The following PPDPF variants were observed in gnomAD, a reference collection of about 807,000 sequenced individuals.
The protein encoded by PPDPF is exocrine differentiation and proliferation factor.
A neutral mutation model predicts 6.3 loss-of-function variants in PPDPF; 11 were observed. The ratio of observed to expected loss-of-function variants is 1.76; its 90% CI spans 1.11 to 2.91. The LOEUF (loss-of-function observed/expected upper bound fraction) is 2.91, where lower values mean the gene tolerates loss of function less well. Ranked by LOEUF, PPDPF falls within the 30% of genes most tolerant of loss-of-function variation. The pLI, the probability that PPDPF is intolerant of heterozygous loss-of-function variation, is 0.00. For synonymous variants in PPDPF, 86 were observed against 64.5 expected, an observed-to-expected ratio of 1.33 and a Z score of -1.60; for missense variants, 202 against 159.4, an observed-to-expected ratio of 1.27 and a Z score of -1.44.
In PPDPF at chr20:63,521,501, C is replaced by T. The variant is rs775072732; in HGVS notation, c.56-11C>T. On this transcript the variant is annotated splice_polypyrimidine_tract_variant and intron_variant, in intron 2 of 3. Coordinates refer to ENST00000370179, the MANE Select transcript of PPDPF (RefSeq NM_024299.4). ...GCGCCCCGCGTTGCTGACGGGACCT[C>T]TCCTCTCCAGGCCGCCTGGGTTCCA... 21 of 1,571,230 alleles carry T rather than the reference C, an allele frequency of 1.3e-5. No individual in the cohort carries two copies. Among genetic ancestry groups the T allele is most frequent in the African/African-American group, 4.1e-5 (3 of 73,968 alleles).
In PPDPF at chr20:63,521,969, C is replaced by A; in HGVS notation, c.*90C>A. ...CCTCTCCCCACTCCGCATCCCTCGC[C>A]CCCCTCCCCACCTCCCACCCCCCAC... On this transcript the variant is annotated 3_prime_UTR_variant, in exon 4 of 4. Transcript: ENST00000370179. 1 of 1,008,324 alleles carries A rather than the reference C, an allele frequency of 9.9e-7. No individual in the cohort carries two copies. The highest frequency in any genetic ancestry group is 1.4e-6 in the Non-Finnish European group (1 of 693,040). 62.5% of individuals were successfully genotyped at this position (1,008,324 alleles called of 1,614,324 possible).
chr20:63,520,845 C>A lies in PPDPF; in HGVS notation c.-75C>A. On this transcript the variant is annotated 5_prime_UTR_variant, in exon 1 of 4. Transcript: ENST00000370179. ...GGGCTCCGTGGCCTAGCGCCCCCGT[C>A]CCCGCCACCCGTGATCGTGCGCCGA... is the stretch of plus-strand genomic sequence containing the variant. 1 of 987,718 alleles carries A rather than the reference C, an allele frequency of 1.0e-6. No homozygotes were observed. Among genetic ancestry groups the A allele is most frequent in the East Asian group, 1.1e-4 (1 of 8,876 alleles). The allele number at this position is 987,718 out of a possible 1,614,324, so 61.2% of individuals were successfully genotyped here.
chr20:63,521,717 G>T lies in PPDPF; in HGVS notation c.183G>T (p.Gly61=). Residue 61 remains glycine, a synonymous_variant, in exon 4 of 4, where the codon GGG becomes GGT. Coordinates refer to ENST00000370179, the MANE Select transcript of PPDPF (RefSeq NM_024299.4). ...PGHWWASFFF[G]KSTLPFMATV... ...ATTGGTGGGCCAGCTTCTTTTTCGG[G>T]AAGTCCACCCTCCCGTTCATGGCCA... is the stretch of plus-strand genomic sequence containing the variant. 1 of 1,613,370 alleles carries T rather than the reference G, an allele frequency of 6.2e-7. No individual in the cohort carries two copies. The highest frequency in any genetic ancestry group is 8.5e-7 in the Non-Finnish European group (1 of 1,180,004).
rs776086297 is a variant in PPDPF at position 63,521,883 on chromosome 20, G to A, written c.*4G>A. On this transcript the variant is annotated 3_prime_UTR_variant, in exon 4 of 4. Transcript: ENST00000370179. The stretch of plus-strand genomic sequence containing the variant: ...CAGCGCTGGGCCCCCGTCCTGACCT[G>A]AGCGGTTACCACCAGCCCCAGGCCT... 7.0e-6 allele frequency: 11 copies of A among 1,574,304 alleles called. No individual in the cohort carries two copies. The Admixed American group carries it at 1.1e-4, about 16-fold the overall frequency.
At position 63,521,989 on chromosome 20, in the gene PPDPF, C is replaced by T; in HGVS notation, c.*110C>T. ...CTCGCCCCCCTCCCCACCTCCCACC[C>T]CCCACCCTGTAAACTAGGCGGCTGC... On this transcript the variant is annotated 3_prime_UTR_variant, in exon 4 of 4. Transcript: ENST00000370179. 1.2e-6 allele frequency: 1 copy of T among 809,444 alleles called. No homozygotes were observed. The highest frequency in any genetic ancestry group is 2.0e-6 in the Non-Finnish European group (1 of 505,270). The allele number at this position is 809,444 out of a possible 1,614,324, so 50.1% of individuals were successfully genotyped here.
At position 63,521,952 on chromosome 20, in the gene PPDPF, C is replaced by G; in HGVS notation, c.*73C>G. On this transcript the variant is annotated 3_prime_UTR_variant, in exon 4 of 4. Transcript: ENST00000370179. Reference sequence around the variant, plus strand: ...CAGAGCCCCTCCCCGCCCCTCTCCCCACTCCGCATCCCTCGCCCCCCTCCC... The same window carrying G: ...CAGAGCCCCTCCCCGCCCCTCTCCCGACTCCGCATCCCTCGCCCCCCTCCC... The G allele has an allele frequency of 8.4e-7, 1 of 1,196,132 alleles. No homozygotes were observed. The highest frequency in any genetic ancestry group is 1.2e-6 in the Non-Finnish European group (1 of 860,070). The allele number at this position is 1,196,132 out of a possible 1,614,324, so 74.1% of individuals were successfully genotyped here.
chr20:63,520,815 C>A lies in PPDPF; in HGVS notation c.-105C>A. 3.0e-6 allele frequency: 3 copies of A among 985,050 alleles called. No homozygotes were observed. Among genetic ancestry groups the A allele is most frequent in the Non-Finnish European group, 3.6e-6 (3 of 830,088 alleles). The allele number at this position is 985,050 out of a possible 1,614,324, so 61.0% of individuals were successfully genotyped here. A position where few individuals can be genotyped will look rare whatever the true frequency, so the allele number is the denominator to read the frequency against. ...GCGCGGCTTCCCGCGGTCTTCTCTG[C>A]AAATGGGCTCCGTGGCCTAGCGCCC... On this transcript the variant is annotated 5_prime_UTR_variant, in exon 1 of 4. Coordinates refer to ENST00000370179, the MANE Select transcript of PPDPF (RefSeq NM_024299.4).
rs1281966500 is a variant in PPDPF at position 63,521,987 on chromosome 20, C to A, written c.*108C>A. 8.7e-6 allele frequency: 7 copies of A among 806,610 alleles called. No individual in the cohort carries two copies. Among genetic ancestry groups the A allele is most frequent in the Non-Finnish European group, 1.2e-5 (6 of 505,800 alleles). 50.0% of individuals were successfully genotyped at this position (806,610 alleles called of 1,614,324 possible). A position where few individuals can be genotyped will look rare whatever the true frequency, so the allele number is the denominator to read the frequency against. On this transcript the variant is annotated 3_prime_UTR_variant, in exon 4 of 4. Transcript: ENST00000370179. ...CCCTCGCCCCCCTCCCCACCTCCCA[C>A]CCCCCACCCTGTAAACTAGGCGGCT...
At chr20:63,520,982 C>A in intron 1 of PPDPF, 88 bp downstream of exon 1, 1 of 974,582 alleles carries the variant, frequency 1.0e-6, no homozygotes, top group Non-Finnish European at 1.3e-6. Flanking sequence ...CTCTCCTCTC[C>A]GCCTGGCGAG....
In PPDPF at chr20:63,522,093, C is replaced by T. The variant is rs1412978072; in HGVS notation, c.*214C>T. On this transcript the variant is annotated 3_prime_UTR_variant, in exon 4 of 4. Coordinates refer to ENST00000370179, the MANE Select transcript of PPDPF (RefSeq NM_024299.4). ...CGCTCTCTACCGCCCGGCCCCAGCA[C>T]TCGCTAGCTTTCCTGACACCTGGAA... The T allele has an allele frequency of 1.6e-6, 1 of 608,314 alleles. No homozygotes were observed. The highest frequency in any genetic ancestry group is 3.0e-6 in the Non-Finnish European group (1 of 333,030). 37.7% of individuals were successfully genotyped at this position (608,314 alleles called of 1,614,324 possible).
Position 63,521,981 on chromosome 20 carries a change from C to T in PPDPF, c.*102C>T, listed in dbSNP as rs1277551969. On this transcript the variant is annotated 3_prime_UTR_variant, in exon 4 of 4. Transcript: ENST00000370179. ...CCGCATCCCTCGCCCCCCTCCCCACCTCCCACCCCCCACCCTGTAAACTAG... is the reference window on the plus strand; with the variant it reads ...CCGCATCCCTCGCCCCCCTCCCCACTTCCCACCCCCCACCCTGTAAACTAG... 5 of 844,108 alleles carry T rather than the reference C, an allele frequency of 5.9e-6. No homozygotes were observed. In the South Asian group the frequency reaches 8.5e-5, roughly 14 times the overall value. The allele number at this position is 844,108 out of a possible 1,614,324, so 52.3% of individuals were successfully genotyped here. A position where few individuals can be genotyped will look rare whatever the true frequency, so the allele number is the denominator to read the frequency against.
At chr20:63,521,029 T>G in intron 1 of PPDPF, 135 bp downstream of exon 1, 1 of 387,068 alleles carries the variant, frequency 2.6e-6, no homozygotes, top group Non-Finnish European at 4.2e-6. Flanking sequence ...TCCTCTCGGG[T>G]CGGGCGGGTT....
In PPDPF at chr20:63,521,484, C is replaced by T. The variant is rs538042490; in HGVS notation, c.56-28C>T. 1.8e-4 allele frequency: 282 copies of T among 1,557,698 alleles called. 3 individuals carry two copies. In the South Asian group the frequency reaches 3.1e-3, roughly 17 times the overall value. ...GTGGGCTGGGGGGCTCCGCGCCCCGCGTTGCTGACGGGACCTCTCCTCTCC... is the reference window on the plus strand; with the variant it reads ...GTGGGCTGGGGGGCTCCGCGCCCCGTGTTGCTGACGGGACCTCTCCTCTCC... On this transcript the variant is annotated intron_variant, in intron 2 of 3. Coordinates refer to ENST00000370179, the MANE Select transcript of PPDPF (RefSeq NM_024299.4).
In PPDPF at chr20:63,520,792, G is replaced by T; in HGVS notation, c.-128G>T. ...CCCGCGCGCGCCTCTCTGTCGTGGC[G>T]CGGCTTCCCGCGGTCTTCTCTGCAA... On this transcript the variant is annotated 5_prime_UTR_variant, in exon 1 of 4. Coordinates refer to ENST00000370179, the MANE Select transcript of PPDPF (RefSeq NM_024299.4). The T allele has an allele frequency of 1.0e-6, 1 of 979,900 alleles. No individual in the cohort carries two copies. Among genetic ancestry groups the T allele is most frequent in the South Asian group, 4.7e-5 (1 of 21,284 alleles). 60.7% of individuals were successfully genotyped at this position (979,900 alleles called of 1,614,324 possible). A position where few individuals can be genotyped will look rare whatever the true frequency, so the allele number is the denominator to read the frequency against.
chr20:63,521,204 G>A (rs956614146), intron 1 of PPDPF, 80 bp from the exon 2 acceptor site: 43 of 1,310,660 alleles, frequency 3.3e-5, no homozygotes, highest in South Asian at 8.9e-5. Flanking sequence ...ATAACCCAGC[G>A]CGGCGGCTCC....
chr20:63,521,080 C>T (rs1486327606), intron 1 of PPDPF, among the ~76,000 whole-genome samples, 186 bp downstream of exon 1: 1 of 151,990 alleles, frequency 6.6e-6, no homozygotes, highest in Non-Finnish European at 1.5e-5. Flanking sequence ...GGGCCGGGGC[C>T]CCGCGCACAA....
chr20:63,521,467 G>C lies in PPDPF; in HGVS notation c.56-45G>C. On this transcript the variant is annotated intron_variant, in intron 2 of 3. Coordinates refer to ENST00000370179, the MANE Select transcript of PPDPF (RefSeq NM_024299.4). ...GCTCGGCCTGAAGGCCGGTGGGCTG[G>C]GGGGCTCCGCGCCCCGCGTTGCTGA... 5 of 1,562,432 alleles carry C rather than the reference G, an allele frequency of 3.2e-6. No individual in the cohort carries two copies. The South Asian group carries it at 5.9e-5, about 18-fold the overall frequency.
At position 63,520,800 on chromosome 20, in the gene PPDPF, C is replaced by T. The variant is rs911551541; in HGVS notation, c.-120C>T. On this transcript the variant is annotated 5_prime_UTR_variant, in exon 1 of 4. Coordinates refer to ENST00000370179, the MANE Select transcript of PPDPF (RefSeq NM_024299.4). ...CGCCTCTCTGTCGTGGCGCGGCTTC[C>T]CGCGGTCTTCTCTGCAAATGGGCTC... The T allele has an allele frequency of 5.9e-5, 58 of 983,570 alleles. No homozygotes were observed. In the East Asian group the frequency reaches 3.8e-3, roughly 64 times the overall value. The allele number at this position is 983,570 out of a possible 1,614,324, so 60.9% of individuals were successfully genotyped here. A position where few individuals can be genotyped will look rare whatever the true frequency, so the allele number is the denominator to read the frequency against.
In PPDPF at chr20:63,520,848, C is replaced by T; in HGVS notation, c.-72C>T. 2.5e-5 allele frequency: 25 copies of T among 988,112 alleles called. No homozygotes were observed. The highest frequency in any genetic ancestry group is 3.0e-5 in the Non-Finnish European group (25 of 832,080). 61.2% of individuals were successfully genotyped at this position (988,112 alleles called of 1,614,324 possible). A position where few individuals can be genotyped will look rare whatever the true frequency, so the allele number is the denominator to read the frequency against. ...CTCCGTGGCCTAGCGCCCCCGTCCC[C>T]GCCACCCGTGATCGTGCGCCGAGGC... On this transcript the variant is annotated 5_prime_UTR_variant, in exon 1 of 4. Transcript: ENST00000370179.
Sources: gnomAD v4.1 joint callset for allele counts (sites outside exome capture counted in the v4.1 genomes callset) on GRCh38, gnomAD v4.1.1 for gene constraint, MANE v1.5 for transcripts, NCBI Gene and HGNC (gene_info 2026-07-23, HGNC 2026-07-21) for gene names.